The following CNOT2 variants were observed in gnomAD, a reference collection of about 807,000 sequenced individuals.
CNOT2 encodes CC chemokine receptor 4-negative regulator of transcription 2.
A neutral mutation model predicts 72.1 loss-of-function variants in CNOT2; 7 were observed. The observed-to-expected ratio is 0.10, with a 90% confidence interval of 0.06 to 0.18. The LOEUF (loss-of-function observed/expected upper bound fraction) is 0.18. CNOT2 is among the 10% of genes least tolerant of loss of function. The pLI is 1.00. For missense variants in CNOT2, 345 were observed against 660.3 expected (o/e 0.52, Z 5.23); for synonymous variants, 196 against 225.6 (o/e 0.87, Z 1.17).
chr12:70,339,706 CTT>C (rs953783881), intron 11 of CNOT2, among the ~76,000 whole-genome samples: 1 of 152,146 alleles, frequency 6.6e-6, no homozygotes, highest in Non-Finnish European at 1.5e-5. Context: ...CTTTTGCTCT[CTT>C]ATGCAACTAT....
chr12:70,298,292 G>A (rs556227859), intron 2 of CNOT2, among the ~76,000 whole-genome samples: 45 of 152,170 alleles, frequency 3.0e-4, no homozygotes, highest in African/African-American at 1.0e-3. Context: ...CCTCCAATCG[G>A]CTTTTTATTT....
intron 1 of CNOT2, among the ~76,000 whole-genome samples, chr12:70,276,894 G>T (rs910451700): frequency 7.9e-5 from 12 of 151,930 alleles, no homozygotes; most frequent in African/African-American, 2.9e-4. Context: ...TAAAAGAGGA[G>T]CCAGAAGATA....
chr12:70,322,198 T>C lies in CNOT2; in HGVS notation c.238+2834T>C, dbSNP rs185151128. 3.9e-5 allele frequency: 6 copies of C among 151,950 alleles called. 1 individual carries two copies. The highest frequency in any genetic ancestry group is 8.8e-5 in the Non-Finnish European group (6 of 67,844). 9.4% of individuals were successfully genotyped at this position (151,950 alleles called of 1,614,324 possible). ...TTTTTTGTTCTCATCAACATTACAATGGAATGAAGTTGAATGAAACAACAC... is the reference window on the plus strand; with the variant it reads ...TTTTTTGTTCTCATCAACATTACAACGGAATGAAGTTGAATGAAACAACAC... On this transcript the variant is annotated intron_variant, in intron 4 of 15. Transcript: ENST00000229195.
At chr12:70,321,059 A>C (rs905216983) in intron 4 of CNOT2, among the ~76,000 whole-genome samples, 1 of 151,890 alleles carries the variant, frequency 6.6e-6, no homozygotes, top group African/African-American at 2.4e-5. Flanking sequence ...TAAGGTACTT[A>C]CTAGTTTAAA....
At chr12:70,284,576 C>CTTTTT (rs34386691) in intron 2 of CNOT2, among the ~76,000 whole-genome samples, 2 of 94,986 alleles carry the variant, frequency 2.1e-5, no homozygotes, top group Non-Finnish European at 4.2e-5. Flanking sequence ...AAAATTTGAC[C>CTTTTT]TTTTTTTTTT....
chr12:70,304,805 G>A (rs1437351068), intron 2 of CNOT2, among the ~76,000 whole-genome samples: 4 of 152,244 alleles, frequency 2.6e-5, no homozygotes, highest in Non-Finnish European at 4.4e-5. Context: ...GCCTCCTTGA[G>A]CTGTGGTGGG....
chr12:70,283,930 ATTTTTTTTTTTT>A (rs776119049), intron 2 of CNOT2, among the ~76,000 whole-genome samples: 1 of 117,460 alleles, frequency 8.5e-6, no homozygotes, highest in Non-Finnish European at 1.7e-5. Flanking sequence ...CATGATGTAA[ATTTTTTTTTTTT>A]TTTTTTTTTT....
chr12:70,298,441 C>T (rs1271382006), intron 2 of CNOT2, among the ~76,000 whole-genome samples: 4 of 152,262 alleles, frequency 2.6e-5, no homozygotes, highest in East Asian at 1.9e-4. Flanking sequence ...AACCCATCTC[C>T]GCATTTATCA....
chr12:70,316,123 G>T (rs1430221783), intron 3 of CNOT2, among the ~76,000 whole-genome samples: 1 of 152,086 alleles, frequency 6.6e-6, no homozygotes, highest in Non-Finnish European at 1.5e-5. Context: ...CCAAGTATTG[G>T]TTGTTCCATA....
At chr12:70,305,183 C>T (rs1286795555) in intron 2 of CNOT2, among the ~76,000 whole-genome samples, 1 of 152,224 alleles carries the variant, frequency 6.6e-6, no homozygotes, top group Non-Finnish European at 1.5e-5. Context: ...CTGTCCCGCA[C>T]CCACTGTCCG....
chr12:70,335,597 GT>G, intron 8 of CNOT2, 34 bp downstream of exon 8: 1 of 1,558,852 alleles, frequency 6.4e-7, no homozygotes, highest in Non-Finnish European at 8.8e-7. Flanking sequence ...CCAGTAGAAA[GT>G]TTCCATTGTA....
intron 4 of CNOT2, chr12:70,323,611 G>C (rs977519970): frequency 6.6e-6 from 1 of 151,776 alleles, no homozygotes; most frequent in African/African-American, 2.4e-5. Context: ...TGTTTTAGCA[G>C]TGGGAATAAC....
intron 11 of CNOT2, chr12:70,341,889 A>G (rs763122492): frequency 1.7e-6 from 1 of 591,322 alleles, no homozygotes; most frequent in Admixed American, 3.0e-5. Flanking sequence ...TTTATACTGT[A>G]TTGCAAGAAT....
intron 2 of CNOT2, among the ~76,000 whole-genome samples, chr12:70,299,909 T>C (rs577441192): frequency 2.6e-5 from 4 of 152,310 alleles, no homozygotes; most frequent in Admixed American, 6.5e-5. Flanking sequence ...TTTTAATGAT[T>C]GCCATTCTAA....
chr12:70,315,661 C>G (rs557717002), intron 3 of CNOT2, among the ~76,000 whole-genome samples: 1 of 152,218 alleles, frequency 6.6e-6, no homozygotes, highest in East Asian at 1.9e-4. Flanking sequence ...ACTGTTTCTT[C>G]TAGTTGCTTC....
At chr12:70,329,292 G>A (rs919516768) in intron 4 of CNOT2, 131 bp from the exon 5 acceptor site, 1 of 578,232 alleles carries the variant, frequency 1.7e-6, no homozygotes, top group Non-Finnish European at 3.1e-6. Flanking sequence ...GGAGTGAATC[G>A]AATATATCCA....
In CNOT2 at chr12:70,307,052, TATC is replaced by T. The variant is rs1875543949; in HGVS notation, c.49-3840_49-3838del. ...AAAGGTTACACCTTTATAGGGCACT[TATC>T]ATAAACGGAGCTTGCAGAACTGGAA... is the stretch of plus-strand genomic sequence containing the variant. On this transcript the variant is annotated intron_variant, in intron 2 of 15. Coordinates refer to ENST00000229195, the MANE Select transcript of CNOT2 (RefSeq NM_014515.7). Among the ~76,000 whole-genome samples the T allele has an allele frequency of 2.6e-5, 4 of 152,186 alleles. No individual in the cohort carries two copies. In the South Asian group the frequency reaches 8.3e-4, roughly 31 times the overall value.
chr12:70,318,791 A>G (rs1283516366), intron 3 of CNOT2, among the ~76,000 whole-genome samples: 3 of 151,864 alleles, frequency 2.0e-5, no homozygotes, highest in Non-Finnish European at 4.4e-5. Context: ...ACATATTTTC[A>G]TTTACTCAGC....
intron 4 of CNOT2, among the ~76,000 whole-genome samples, chr12:70,326,929 G>C (rs1015652374): frequency 4.0e-5 from 6 of 151,842 alleles, no homozygotes; most frequent in Non-Finnish European, 7.4e-5. Context: ...ACTAAAATCA[G>C]TTCAAGGATG....
Sources: gnomAD v4.1 joint callset for allele counts (sites outside exome capture counted in the v4.1 genomes callset) on GRCh38, gnomAD v4.1.1 for gene constraint, MANE v1.5 for transcripts, NCBI Gene and HGNC (gene_info 2026-07-23, HGNC 2026-07-21) for gene names.